The following SCRG1 variants were observed in gnomAD, a reference collection of about 807,000 sequenced individuals.
The protein encoded by SCRG1 is stimulator of chondrogenesis 1.
A neutral mutation model predicts 7.7 loss-of-function variants in SCRG1; 3 were observed. That is an observed-to-expected ratio of 0.39 (90% CI 0.18 to 1.01). The LOEUF (loss-of-function observed/expected upper bound fraction) is 1.01, where lower values mean the gene tolerates loss of function less well. SCRG1 is among the 50% of genes least tolerant of loss of function. The pLI, the probability that SCRG1 is intolerant of heterozygous loss-of-function variation, is 0.36. For missense variants in SCRG1, 110 were observed against 117.2 expected (o/e 0.94, Z 0.28); for synonymous variants, 46 against 41.2 (o/e 1.12, Z -0.44).
the SCRG1 span, among the ~76,000 whole-genome samples, chr4:173,458,850 T>C: frequency 6.6e-6 from 1 of 152,014 alleles, no homozygotes. Context: ...GACCCACCTA[T>C]GTACTGCCCA....
the SCRG1 span, among the ~76,000 whole-genome samples, chr4:173,500,786 T>C: frequency 3.3e-5 from 5 of 149,984 alleles, no homozygotes; most frequent in African/African-American, 1.3e-4. Flanking sequence ...TTTATAAATT[T>C]ATACAGGCCC....
chr4:173,430,559 C>A, the SCRG1 span, among the ~76,000 whole-genome samples: 4 of 152,070 alleles, frequency 2.6e-5, no homozygotes, highest in Non-Finnish European at 5.9e-5. Flanking sequence ...GAGGCCCAGG[C>A]AGGAGGATCA....
chr4:173,466,093 T>C, the SCRG1 span, among the ~76,000 whole-genome samples: 16 of 152,164 alleles, frequency 1.1e-4, no homozygotes, highest in South Asian at 3.3e-3. Context: ...CAGTCTGAAG[T>C]TGGGGATACA....
chr4:173,474,064 C>T, the SCRG1 span, among the ~76,000 whole-genome samples: 28 of 151,918 alleles, frequency 1.8e-4, no homozygotes, highest in African/African-American at 6.3e-4. Context: ...TCTGTAATCC[C>T]GGCTACTCAG....
At chr4:173,494,268 C>T in the SCRG1 span, among the ~76,000 whole-genome samples, 3 of 152,238 alleles carry the variant, frequency 2.0e-5, no homozygotes, top group Admixed American at 2.0e-4. Context: ...CCTCTTTTGG[C>T]TCTTCTTCCC....
chr4:173,484,642 A>G, the SCRG1 span, among the ~76,000 whole-genome samples: 1 of 94,224 alleles, frequency 1.1e-5, no homozygotes, highest in Non-Finnish European at 1.8e-5. Flanking sequence ...TTATATGCAT[A>G]TAATATATAT....
chr4:173,496,317 G>T, the SCRG1 span, among the ~76,000 whole-genome samples: 1 of 151,490 alleles, frequency 6.6e-6, no homozygotes, highest in South Asian at 2.1e-4. Context: ...AAGGTAGGGG[G>T]TTCTTTGAAA....
At chr4:173,475,418 A>G in the SCRG1 span, among the ~76,000 whole-genome samples, 1 of 152,252 alleles carries the variant, frequency 6.6e-6, no homozygotes, top group African/African-American at 2.4e-5. Context: ...GCTGACCCCA[A>G]GTGTCAAGAG....
chr4:173,490,579 T>C, the SCRG1 span, among the ~76,000 whole-genome samples: 1 of 152,150 alleles, frequency 6.6e-6, no homozygotes, highest in African/African-American at 2.4e-5. Flanking sequence ...TCACGTGGAG[T>C]TGCTGCCCGA....
chr4:173,456,555 G>T, the SCRG1 span, among the ~76,000 whole-genome samples: 1 of 151,978 alleles, frequency 6.6e-6, no homozygotes, highest in Non-Finnish European at 1.5e-5. Flanking sequence ...TAACATTTTG[G>T]GTTCCTTTAT....
the SCRG1 span, among the ~76,000 whole-genome samples, chr4:173,417,141 C>G: frequency 2.6e-4 from 39 of 147,788 alleles, no homozygotes; most frequent in Non-Finnish European, 4.3e-4. Context: ...GAGACACACA[C>G]AGACAGACAG....
the SCRG1 span, among the ~76,000 whole-genome samples, chr4:173,483,190 TGA>T: frequency 5.3e-4 from 65 of 123,220 alleles, no homozygotes; most frequent in African/African-American, 1.5e-3. Flanking sequence ...ATATTATATA[TGA>T]TATATATTAT....
the SCRG1 span, among the ~76,000 whole-genome samples, chr4:173,492,333 T>C: frequency 6.6e-6 from 1 of 152,086 alleles, no homozygotes; most frequent in Non-Finnish European, 1.5e-5. Context: ...CCATCCAGAA[T>C]GTTTGTCCCT....
the SCRG1 span, among the ~76,000 whole-genome samples, chr4:173,485,935 A>C: frequency 1.3e-5 from 2 of 152,030 alleles, no homozygotes; most frequent in Non-Finnish European, 2.9e-5. Context: ...GTGCCACCGC[A>C]CTCCAGCCTG....
At chr4:173,495,593 T>C in the SCRG1 span, among the ~76,000 whole-genome samples, 464 of 152,384 alleles carry the variant, frequency 3.0e-3, 2 homozygotes, top group Non-Finnish European at 5.3e-3. Context: ...CAAAGACTTT[T>C]GCATTCACTT....
chr4:173,475,667 T>C, the SCRG1 span, among the ~76,000 whole-genome samples: 1 of 152,086 alleles, frequency 6.6e-6, no homozygotes, highest in Non-Finnish European at 1.5e-5. Flanking sequence ...TCATTCACAA[T>C]AGTCAAAAAA....
chr4:173,483,284 G>GATATA, the SCRG1 span, among the ~76,000 whole-genome samples: 9 of 32,192 alleles, frequency 2.8e-4, no homozygotes, highest in Admixed American at 1.2e-3. Flanking sequence ...TATAATATAT[G>GATATA]ATATATCATA....
At chr4:173,496,689 A>C in the SCRG1 span, among the ~76,000 whole-genome samples, 1 of 152,232 alleles carries the variant, frequency 6.6e-6, no homozygotes, top group African/African-American at 2.4e-5. Context: ...TGTGCAAAGC[A>C]TTTTAGTAGA....
chr4:173,493,631 A>T, the SCRG1 span, among the ~76,000 whole-genome samples: 1 of 151,986 alleles, frequency 6.6e-6, no homozygotes, highest in South Asian at 2.1e-4. Context: ...AAAAAAAAAA[A>T]AAGCAGCATT....
Sources: gnomAD v4.1 joint callset for allele counts (sites outside exome capture counted in the v4.1 genomes callset) on GRCh38, gnomAD v4.1.1 for gene constraint, MANE v1.5 for transcripts, NCBI Gene and HGNC (gene_info 2026-07-23, HGNC 2026-07-21) for gene names.